The following MRPS27 variants were observed in gnomAD, a reference collection of about 807,000 sequenced individuals.
MRPS27 encodes mitochondrial ribosomal protein S27.
In MRPS27, 43 loss-of-function variants were observed where a neutral mutation model predicts 48.9. That is an observed-to-expected ratio of 0.88 (90% CI 0.69 to 1.13). MRPS27 has a LOEUF of 1.13. MRPS27 is among the 50% of genes most tolerant of loss of function. The pLI is 0.00. For missense variants in MRPS27, 467 were observed against 476.3 expected, an observed-to-expected ratio of 0.98 and a Z score of 0.18; for synonymous variants, 188 against 171.9, an observed-to-expected ratio of 1.09 and a Z score of -0.73.
chr5:72,267,500 T>G (rs1021045314), intron 4 of MRPS27, among the ~76,000 whole-genome samples: 3 of 151,972 alleles, frequency 2.0e-5, no homozygotes, highest in African/African-American at 7.3e-5. Flanking sequence ...GTTCAAACAA[T>G]GTATGAACAG....
At chr5:72,293,221 G>A (rs1286855669) in intron 4 of MRPS27, among the ~76,000 whole-genome samples, 5 of 151,744 alleles carry the variant, frequency 3.3e-5, no homozygotes, top group South Asian at 4.2e-4. Context: ...CCACTGTTCC[G>A]ACGCAGCTTT....
At chr5:72,279,404 A>G (rs1478547861) in intron 4 of MRPS27, among the ~76,000 whole-genome samples, 5 of 152,178 alleles carry the variant, frequency 3.3e-5, no homozygotes, top group Non-Finnish European at 5.9e-5. Context: ...TGGTCTTTTA[A>G]TTTTGTTACT....
intron 4 of MRPS27, among the ~76,000 whole-genome samples, chr5:72,284,748 G>A (rs538645345): frequency 6.6e-6 from 1 of 152,072 alleles, no homozygotes; most frequent in Admixed American, 6.5e-5. Flanking sequence ...AAACCACAGT[G>A]GCTACATCAC....
intron 5 of MRPS27, among the ~76,000 whole-genome samples, chr5:72,237,358 C>A (rs1238894529): frequency 1.3e-5 from 2 of 152,088 alleles, no homozygotes; most frequent in Non-Finnish European, 2.9e-5. Context: ...GGAAATAAAA[C>A]ATTCTGCACA....
chr5:72,319,761 G>T (rs111416988), intron 1 of MRPS27, among the ~76,000 whole-genome samples: 1,666 of 152,194 alleles, frequency 0.011, 28 homozygotes, highest in African/African-American at 0.038. Context: ...TGGCCAGGCT[G>T]GTCTCGAACT....
intron 9 of MRPS27, among the ~76,000 whole-genome samples, 160 bp downstream of exon 9, chr5:72,225,897 T>G (rs1298132810): frequency 1.3e-5 from 2 of 152,114 alleles, no homozygotes; most frequent in Non-Finnish European, 2.9e-5. Context: ...TCAGGAGCAT[T>G]GAAAATGTTT....
At chr5:72,248,715 A>ATTTTT in intron 4 of MRPS27, among the ~76,000 whole-genome samples, 1 of 28,558 alleles carries the variant, frequency 3.5e-5, no homozygotes. Context: ...ATAATAGTTA[A>ATTTTT]ATAGATTCCA....
intron 4 of MRPS27, among the ~76,000 whole-genome samples, chr5:72,293,989 T>C (rs1366214780): frequency 6.6e-6 from 1 of 152,150 alleles, no homozygotes; most frequent in African/African-American, 2.4e-5. Flanking sequence ...TCGTTTATCT[T>C]TATCCTAATG....
chr5:72,248,452 G>A (rs981860260), intron 4 of MRPS27, among the ~76,000 whole-genome samples: 4 of 152,046 alleles, frequency 2.6e-5, no homozygotes, highest in Admixed American at 2.6e-4. Flanking sequence ...TTTTAGGCTG[G>A]CCCAGAAAGA....
chr5:72,271,542 TAA>T (rs1204399116), intron 4 of MRPS27, among the ~76,000 whole-genome samples: 1 of 152,142 alleles, frequency 6.6e-6, no homozygotes, highest in Non-Finnish European at 1.5e-5. Flanking sequence ...TGCTCTAGAT[TAA>T]AAGAGACTAA....
intron 10 of MRPS27, 71 bp downstream of exon 10, chr5:72,223,612 C>A: frequency 6.6e-7 from 1 of 1,526,150 alleles, no homozygotes; most frequent in Non-Finnish European, 9.0e-7. Context: ...AGAAAGAATG[C>A]TTATCCATCA....
intron 9 of MRPS27, among the ~76,000 whole-genome samples, chr5:72,225,449 A>G (rs999238719): frequency 6.6e-6 from 1 of 152,224 alleles, no homozygotes; most frequent in Non-Finnish European, 1.5e-5. Context: ...TGTAAGGCGC[A>G]TCATGTCTCC....
intron 4 of MRPS27, among the ~76,000 whole-genome samples, chr5:72,282,014 G>A (rs948072712): frequency 6.6e-6 from 1 of 152,112 alleles, no homozygotes; most frequent in East Asian, 1.9e-4. Context: ...ATAAAATGGT[G>A]ATACTATTTG....
At chr5:72,258,180 A>G (rs1748864394) in intron 4 of MRPS27, among the ~76,000 whole-genome samples, 1 of 152,110 alleles carries the variant, frequency 6.6e-6, no homozygotes, top group Non-Finnish European at 1.5e-5. Flanking sequence ...TTCAAAACAA[A>G]GATGATATTA....
Position 72,246,143 on chromosome 5 carries a change from A to G in MRPS27, c.282-8015T>C, listed in dbSNP as rs543492678. Among the ~76,000 whole-genome samples the G allele has an allele frequency of 1.9e-4, 29 of 152,350 alleles. No homozygotes were observed. In the South Asian group the frequency reaches 6.0e-3, roughly 32 times the overall value. On this transcript the variant is annotated intron_variant, in intron 4 of 10. Transcript: ENST00000261413. ...AGTAGGTGCCTGATAATTTGGCAAC[A>G]GTGACTCGGCCTGCTAAGACTGCAT...
At chr5:72,256,628 C>A (rs903290328) in intron 4 of MRPS27, among the ~76,000 whole-genome samples, 1 of 152,218 alleles carries the variant, frequency 6.6e-6, no homozygotes, top group East Asian at 1.9e-4. Context: ...GTGGGTGGAA[C>A]TGCAGAAATA....
At chr5:72,310,674 T>C (rs1289775562) in intron 2 of MRPS27, among the ~76,000 whole-genome samples, 1 of 152,374 alleles carries the variant, frequency 6.6e-6, no homozygotes, top group Middle Eastern at 3.4e-3. Context: ...GCAACCATTA[T>C]AGTAAAGATT....
intron 1 of MRPS27, among the ~76,000 whole-genome samples, chr5:72,316,280 A>G (rs1314861125): frequency 3.3e-5 from 5 of 152,226 alleles, no homozygotes; most frequent in Admixed American, 6.5e-5. Context: ...TCTTTTTGGG[A>G]TAATGAAAAT....
chr5:72,315,821 C>T (rs1212947542), intron 1 of MRPS27, among the ~76,000 whole-genome samples: 1 of 152,124 alleles, frequency 6.6e-6, no homozygotes, highest in East Asian at 1.9e-4. Context: ...AATTTGGTAG[C>T]TCCTCAAAAT....
Sources: allele counts gnomAD v4.1 joint callset (sites outside exome capture counted in the v4.1 genomes callset), GRCh38; gene constraint gnomAD v4.1.1; transcripts MANE v1.5; gene names NCBI Gene and HGNC (gene_info 2026-07-23, HGNC 2026-07-21).